The following PTPRD variants were observed in gnomAD, a reference collection of about 807,000 sequenced individuals.
PTPRD encodes the protein receptor-type tyrosine-protein phosphatase delta.
PTPRD carries 34 observed loss-of-function variants against 214.5 expected under a neutral mutation model. The ratio of observed to expected loss-of-function variants is 0.16; its 90% CI spans 0.12 to 0.21. PTPRD has a LOEUF of 0.21. PTPRD is among the 10% of genes least tolerant of loss of function. The pLI is 1.00. For missense variants in PTPRD, 2,545 were observed against 2,398.7 expected (o/e 1.06, Z -1.27); for synonymous variants, 1,128 against 845.7 (o/e 1.33, Z -5.79).
At chr9:10,353,717 G>C (rs553183583) in intron 2 of PTPRD, among the ~76,000 whole-genome samples, 7 of 151,956 alleles carry the variant, frequency 4.6e-5, no homozygotes, top group African/African-American at 1.7e-4. Context: ...TGAATTTAAA[G>C]TTTTTAACAA....
intron 8 of PTPRD, among the ~76,000 whole-genome samples, chr9:9,420,709 G>A (rs961752668): frequency 6.6e-5 from 10 of 151,730 alleles, no homozygotes; most frequent in Admixed American, 4.0e-4. Context: ...TGTATATGAC[G>A]ACGTACAACA....
intron 30 of PTPRD, among the ~76,000 whole-genome samples, chr9:8,476,577 G>T (rs975073989): frequency 3.9e-5 from 6 of 152,050 alleles, no homozygotes; most frequent in Admixed American, 2.0e-4. Flanking sequence ...TTTTCTAAGT[G>T]AAATCTTCTC....
intron 5 of PTPRD, among the ~76,000 whole-genome samples, chr9:9,834,062 G>A (rs566173196): frequency 6.6e-6 from 1 of 152,072 alleles, no homozygotes; most frequent in Non-Finnish European, 1.5e-5. Context: ...GAAGTGATAA[G>A]TGTCCATGAA....
chr9:10,031,161 T>A (rs1451191688), intron 4 of PTPRD, among the ~76,000 whole-genome samples: 1 of 152,156 alleles, frequency 6.6e-6, no homozygotes, highest in Non-Finnish European at 1.5e-5. Flanking sequence ...ATGACTTGGT[T>A]AGGCAGAAAT....
intron 7 of PTPRD, among the ~76,000 whole-genome samples, chr9:9,597,325 C>A (rs554598201): frequency 3.7e-4 from 57 of 152,020 alleles, no homozygotes; most frequent in African/African-American, 1.3e-3. Flanking sequence ...TTGATGTTGG[C>A]ACAAAATTAC....
At chr9:8,756,007 G>C (rs1174450950) in intron 11 of PTPRD, among the ~76,000 whole-genome samples, 1 of 152,188 alleles carries the variant, frequency 6.6e-6, no homozygotes, top group Non-Finnish European at 1.5e-5. Flanking sequence ...GTGTGTAGAA[G>C]AGGAAAATAT....
chr9:8,409,232 G>A (rs2093317509), intron 35 of PTPRD, among the ~76,000 whole-genome samples: 1 of 152,158 alleles, frequency 6.6e-6, no homozygotes, highest in Admixed American at 6.6e-5. Flanking sequence ...TTATGTAGAT[G>A]AGGAAACTGA....
intron 8 of PTPRD, among the ~76,000 whole-genome samples, chr9:9,531,698 G>A (rs2075506297): frequency 6.6e-6 from 1 of 151,918 alleles, no homozygotes; most frequent in South Asian, 2.1e-4. Context: ...CTAGCTTTGG[G>A]GTATTGAAAA....
intron 19 of PTPRD, among the ~76,000 whole-genome samples, chr9:8,522,037 G>C (rs2097901905): frequency 6.6e-6 from 1 of 152,180 alleles, no homozygotes. Context: ...CCCAGCCCTG[G>C]AAAACATCAC....
chr9:9,497,494 A>G (rs1271628864), intron 8 of PTPRD, among the ~76,000 whole-genome samples: 1 of 152,160 alleles, frequency 6.6e-6, no homozygotes, highest in African/African-American at 2.4e-5. Flanking sequence ...CATGCACAAT[A>G]TTGACACGCA....
At chr9:9,726,460 G>A (rs867221232) in intron 7 of PTPRD, among the ~76,000 whole-genome samples, 2 of 98,622 alleles carry the variant, frequency 2.0e-5, no homozygotes, top group Admixed American at 1.7e-4. Flanking sequence ...CTTAAAGCCT[G>A]CCTAACAGCC....
chr9:10,374,934 G>C (rs949270551), intron 2 of PTPRD, among the ~76,000 whole-genome samples: 18 of 151,870 alleles, frequency 1.2e-4, no homozygotes, highest in African/African-American at 4.4e-4. Flanking sequence ...TGAAACATTG[G>C]GTTACAGCAG....
At chr9:9,987,356 A>G (rs2095752309) in intron 4 of PTPRD, among the ~76,000 whole-genome samples, 1 of 152,126 alleles carries the variant, frequency 6.6e-6, no homozygotes. Flanking sequence ...TTTACAGAAG[A>G]AAGAGGTTTA....
At chr9:8,342,011 A>C in intron 39 of PTPRD, 33 bp from the exon 40 acceptor site, 1 of 1,549,942 alleles carries the variant, frequency 6.5e-7, no homozygotes, top group East Asian at 2.3e-5. Context: ...AAGCCCAAAT[A>C]AACCTATCAG....
chr9:9,302,287 T>A (rs1322140929), intron 9 of PTPRD, among the ~76,000 whole-genome samples: 1 of 151,980 alleles, frequency 6.6e-6, no homozygotes, highest in African/African-American at 2.4e-5. Context: ...TTTGGCAAGT[T>A]AGGAAAGTTA....
At chr9:10,282,322 A>C (rs1406742797) in intron 3 of PTPRD, among the ~76,000 whole-genome samples, 1 of 152,312 alleles carries the variant, frequency 6.6e-6, no homozygotes, top group African/African-American at 2.4e-5. Context: ...AATGAATGTT[A>C]ATTGTTCAAT....
intron 11 of PTPRD, among the ~76,000 whole-genome samples, chr9:8,951,873 A>T (rs1003339343): frequency 7.2e-5 from 11 of 151,950 alleles, no homozygotes; most frequent in Admixed American, 7.2e-4. Flanking sequence ...TCCTGCTCAA[A>T]ATTCTCCAGT....
At position 9,121,763 on chromosome 9, in the gene PTPRD, T is replaced by A. The variant is rs144637870; in HGVS notation, c.-143+61541A>T. Among the ~76,000 whole-genome samples, 107 of 152,090 alleles carry A rather than the reference T, an allele frequency of 7.0e-4. 1 individual carries two copies. The East Asian group carries it at 0.018, about 26-fold the overall frequency. On this transcript the variant is annotated intron_variant, in intron 10 of 45. Coordinates refer to ENST00000381196, the MANE Select transcript of PTPRD (RefSeq NM_002839.4). The stretch of plus-strand genomic sequence containing the variant: ...TGGGTGCATCAGGTTCTCACAAATC[T>A]CCACTAAATAACTTACTCATGTAAC...
chr9:10,358,758 ATTGC>A (rs2097324007), intron 2 of PTPRD, among the ~76,000 whole-genome samples: 1 of 151,988 alleles, frequency 6.6e-6, no homozygotes, highest in Non-Finnish European at 1.5e-5. Flanking sequence ...GCCCAACAGA[ATTGC>A]TTGTTCATTT....
Sources: gnomAD v4.1 joint callset for allele counts (sites outside exome capture counted in the v4.1 genomes callset) on GRCh38, gnomAD v4.1.1 for gene constraint, MANE v1.5 for transcripts, NCBI Gene and HGNC (gene_info 2026-07-23, HGNC 2026-07-21) for gene names.